CD300A: variants seen among roughly 807,000 people sequenced by gnomAD.
CD300A encodes CMRF35-like molecule 8.
A neutral mutation model predicts 33.6 loss-of-function variants in CD300A; 22 were observed. That is an observed-to-expected ratio of 0.66 (90% CI 0.47 to 0.94). The LOEUF is 0.94. CD300A is among the 40% of genes least tolerant of loss of function. CD300A has a pLI of 0.00. For missense variants in CD300A, 326 were observed against 360.5 expected (o/e 0.90, Z 0.77); for synonymous variants, 136 against 148.1 (o/e 0.92, Z 0.59).
At chr17:74,483,897 C>A in intron 6 of CD300A, 104 bp from the exon 7 acceptor site, 1 of 1,318,412 alleles carries the variant, frequency 7.6e-7, no homozygotes, top group Non-Finnish European at 1.1e-6. Context: ...TACAGTGAGG[C>A]CTCCCCAAAG....
rs1336360956 is a variant in CD300A at position 74,482,732 on chromosome 17, T to TTCTTTCTC, written c.774+900_774+901insCTTTCTCT. On this transcript the variant is annotated intron_variant, in intron 6 of 6. Coordinates refer to ENST00000360141, the MANE Select transcript of CD300A (RefSeq NM_007261.4). ...TTTCTTTCTTTCTTTCTTTCTTTCT[T>TTCTTTCTC]TGGAATCTCGCTCTATCCCCCAGGC... 7.4e-4 allele frequency among the ~76,000 whole-genome samples: 98 copies of TTCTTTCTC among 132,980 alleles called. 9 individuals are homozygous for TTCTTTCTC. Among genetic ancestry groups the TTCTTTCTC allele is most frequent in the Middle Eastern group, 7.0e-3 (2 of 284 alleles). The allele number at this position is 132,980 out of a possible 152,430, so 87.2% of individuals were successfully genotyped here.
intron 3 of CD300A, among the ~76,000 whole-genome samples, chr17:74,476,914 G>A (rs77069648): frequency 0.011 from 1,633 of 152,022 alleles, 36 homozygotes; most frequent in African/African-American, 0.037. Context: ...CCGTACATTC[G>A]TATTTGCTTG....
At chr17:74,466,910 C>G in intron 1 of CD300A, 167 bp downstream of exon 1, 1 of 1,463,188 alleles carries the variant, frequency 6.8e-7, no homozygotes, top group Non-Finnish European at 9.0e-7. Context: ...AGGTCCACAC[C>G]CCTGGGAGAG....
intron 4 of CD300A, among the ~76,000 whole-genome samples, chr17:74,478,788 T>C (rs1906646133): frequency 6.6e-6 from 1 of 152,216 alleles, no homozygotes; most frequent in African/African-American, 2.4e-5. Flanking sequence ...GGGGCACTGC[T>C]CACACATATC....
intron 1 of CD300A, among the ~76,000 whole-genome samples, chr17:74,470,791 G>A (rs769399276): frequency 6.9e-6 from 1 of 144,484 alleles, no homozygotes; most frequent in African/African-American, 2.6e-5. Context: ...TGGGAATACA[G>A]GCACGTGCCA....
intron 4 of CD300A, 113 bp from the exon 5 acceptor site, chr17:74,481,176 G>A: frequency 1.1e-6 from 1 of 909,266 alleles, no homozygotes; most frequent in East Asian, 2.4e-5. Flanking sequence ...TGAAGGGATA[G>A]GTCCCCAGGG....
chr17:74,468,705 G>A (rs1030167434), intron 1 of CD300A, among the ~76,000 whole-genome samples: 23 of 151,992 alleles, frequency 1.5e-4, no homozygotes, highest in Non-Finnish European at 1.6e-4. Context: ...ACCCAGGGCT[G>A]GAGTGCAGTG....
At chr17:74,481,355 A>C (rs755834924) in intron 5 of CD300A, 29 bp downstream of exon 5, 8 of 1,610,698 alleles carry the variant, frequency 5.0e-6, no homozygotes, top group Non-Finnish European at 6.8e-6. Context: ...GAGGTGTATC[A>C]GGTGGCTGGG....
intron 1 of CD300A, among the ~76,000 whole-genome samples, chr17:74,470,973 G>T (rs922115896): frequency 1.3e-5 from 2 of 151,778 alleles, no homozygotes; most frequent in African/African-American, 2.4e-5. Context: ...TTGAGTCAGG[G>T]TCTCACTCTG....
chr17:74,473,849 C>T lies in CD300A; in HGVS notation c.354C>T (p.Val118=), dbSNP rs1906276636. The change falls in exon 2 of 7, where the codon GTC becomes GTT. Residue 118 remains valine (V), a synonymous_variant. Coordinates refer to ENST00000360141, the MANE Select transcript of CD300A (RefSeq NM_007261.4). ...TCCGAGACTTTCATGATCCCGTTGT[C>T]GAGGTTGAGGTGTCCGTGTTCCCGG... is the stretch of plus-strand genomic sequence containing the variant. ...PWLRDFHDPV[V]EVEVSVFPAS... The T allele has an allele frequency of 1.9e-6, 3 of 1,612,702 alleles. No individual in the cohort carries two copies. Among genetic ancestry groups the T allele is most frequent in the East Asian group, 2.2e-5 (1 of 44,816 alleles).
At position 74,480,907 on chromosome 17, in the gene CD300A, C is replaced by A. The variant is rs1906798503; in HGVS notation, c.629-382C>A. Among the ~76,000 whole-genome samples, 1 of 152,146 alleles carries A rather than the reference C, an allele frequency of 6.6e-6. No individual in the cohort carries two copies. Among genetic ancestry groups the A allele is most frequent in the Non-Finnish European group, 1.5e-5 (1 of 68,026 alleles). On this transcript the variant is annotated intron_variant, in intron 4 of 6. Coordinates refer to ENST00000360141, the MANE Select transcript of CD300A (RefSeq NM_007261.4). This position sits in a 1 kb window ranked among gnomAD's most constrained non-coding sequence, Gnocchi z 4.2. ...GGACTACAGGGCGTGTGCCACCATG[C>A]CCAGCTAATATTTGTATTTTTAGTA...
At chr17:74,469,133 A>G (rs968954701) in intron 1 of CD300A, among the ~76,000 whole-genome samples, 1 of 152,164 alleles carries the variant, frequency 6.6e-6, no homozygotes, top group Non-Finnish European at 1.5e-5. Context: ...TGAAGTTTTT[A>G]GAGAACTAGC....
At chr17:74,474,064 G>A (rs974658868) in intron 2 of CD300A, among the ~76,000 whole-genome samples, 190 bp downstream of exon 2, 1 of 152,168 alleles carries the variant, frequency 6.6e-6, no homozygotes, top group Non-Finnish European at 1.5e-5. Flanking sequence ...TATTGAAGAA[G>A]GGAAGGGTCC....
At chr17:74,468,858 A>G (rs1905903253) in intron 1 of CD300A, among the ~76,000 whole-genome samples, 2 of 152,156 alleles carry the variant, frequency 1.3e-5, no homozygotes, top group Non-Finnish European at 2.9e-5. Flanking sequence ...GGGTTTCACC[A>G]TGTTGCCCAA....
chr17:74,478,982 C>A (rs1220131927), intron 4 of CD300A, among the ~76,000 whole-genome samples: 1 of 152,118 alleles, frequency 6.6e-6, no homozygotes, highest in African/African-American at 2.4e-5. Flanking sequence ...AGTTCTGAGC[C>A]CCTTTCGGTT....
intron 3 of CD300A, among the ~76,000 whole-genome samples, chr17:74,475,597 C>A (rs1906409076): frequency 6.6e-6 from 1 of 152,322 alleles, no homozygotes; most frequent in Admixed American, 6.5e-5. Context: ...AAAACACATG[C>A]AGTCACAAAC....
Position 74,481,844 on chromosome 17 carries a change from G to A in CD300A, c.774+11G>A, listed in dbSNP as rs557650770. The A allele has an allele frequency of 1.5e-5, 24 of 1,597,354 alleles. 1 individual carries two copies. In the South Asian group the frequency reaches 1.6e-4, roughly 10 times the overall value. Reference sequence around the variant, plus strand: ...GAATACAGCACTGTGGTAAGTGCAGGAGCCCGGCTTTTGGGCATGCGGCCC... The same window carrying A: ...GAATACAGCACTGTGGTAAGTGCAGAAGCCCGGCTTTTGGGCATGCGGCCC... On this transcript the variant is annotated intron_variant, in intron 6 of 6. Transcript: ENST00000360141.
chr17:74,467,083 G>A, intron 1 of CD300A: 12 of 1,027,814 alleles, frequency 1.2e-5, no homozygotes, highest in Non-Finnish European at 1.5e-5. Context: ...TGGGTGGAGA[G>A]TGGCAGCCAC....
At chr17:74,470,957 A>T (rs751040103) in intron 1 of CD300A, among the ~76,000 whole-genome samples, 12 of 145,084 alleles carry the variant, frequency 8.3e-5, no homozygotes, top group Middle Eastern at 8.7e-3. Flanking sequence ...TGGCCTATTT[A>T]TTTATTTGAG....
Sources: allele counts gnomAD v4.1 joint callset (sites outside exome capture counted in the v4.1 genomes callset), GRCh38; gene constraint gnomAD v4.1.1; non-coding constraint Gnocchi (gnomAD v3.1); transcripts MANE v1.5; gene names NCBI Gene and HGNC (gene_info 2026-07-23, HGNC 2026-07-21).